C1orf21: variants seen among roughly 807,000 people sequenced by gnomAD.
C1orf21 encodes the protein chromosome 1 open reading frame 21, also known as uncharacterized protein C1orf21.
C1orf21 carries 3 observed loss-of-function variants against 18.7 expected under a neutral mutation model. The ratio of observed to expected loss-of-function variants is 0.16; its 90% confidence interval spans 0.07 to 0.42. C1orf21 has a LOEUF of 0.42. C1orf21 is among the 10% of genes least tolerant of loss of function. The pLI is 0.99. For missense variants in C1orf21, 104 were observed against 143.6 expected (o/e 0.72, Z 1.41); for synonymous variants, 41 against 46.4 (o/e 0.88, Z 0.47).
chr1:184,416,706 G>A (rs1656457180), intron 1 of C1orf21, among the ~76,000 whole-genome samples: 1 of 152,156 alleles, frequency 6.6e-6, no homozygotes, highest in African/African-American at 2.4e-5. Flanking sequence ...CTGAATGCCT[G>A]TTGTTGCTTC....
intron 3 of C1orf21, among the ~76,000 whole-genome samples, chr1:184,541,265 C>A (rs986465824): frequency 6.6e-6 from 1 of 152,142 alleles, no homozygotes; most frequent in Non-Finnish European, 1.5e-5. Flanking sequence ...ACTTTTTTCA[C>A]ACACAGCCAG....
At chr1:184,561,936 C>T (rs1021866407) in intron 3 of C1orf21, among the ~76,000 whole-genome samples, 1 of 152,020 alleles carries the variant, frequency 6.6e-6, no homozygotes, top group Non-Finnish European at 1.5e-5. Flanking sequence ...CACTTCCCCC[C>T]ACCCCCAGTT....
At chr1:184,436,742 C>T (rs554571798) in intron 1 of C1orf21, among the ~76,000 whole-genome samples, 157 of 152,192 alleles carry the variant, frequency 1.0e-3, no homozygotes, top group Non-Finnish European at 1.5e-3. Context: ...AACACCTACC[C>T]GTGGCAGGTA....
Position 184,445,343 on chromosome 1 carries a change from C to CCTCTCTCTCTCTCTCT in C1orf21, c.-124-32027_-124-32012dup, listed in dbSNP as rs57710614. Among the ~76,000 whole-genome samples, 400 of 134,856 alleles carry CCTCTCTCTCTCTCTCT rather than the reference C, an allele frequency of 3.0e-3. 4 individuals carry two copies. Among genetic ancestry groups the CCTCTCTCTCTCTCTCT allele is most frequent in the Admixed American group, 0.019 (244 of 13,140 alleles). 88.5% of individuals were successfully genotyped at this position (134,856 alleles called of 152,430 possible). A position where few individuals can be genotyped will look rare whatever the true frequency, so the allele number is the denominator to read the frequency against. ...TGTAAAACCACGCCCTTTTTTCAGACCTCTCTCTCTCTCTCTCTCTCTCTC... is the reference window on the plus strand; with the variant it reads ...TGTAAAACCACGCCCTTTTTTCAGACCTCTCTCTCTCTCTCTCTCTCTCTCTCTCTCTCTCTCTCTC... On this transcript the variant is annotated intron_variant, in intron 1 of 5. Coordinates refer to ENST00000235307, the MANE Select transcript of C1orf21 (RefSeq NM_030806.4).
intron 3 of C1orf21, among the ~76,000 whole-genome samples, chr1:184,579,379 G>GTTTTTTT (rs201010891): frequency 5.6e-5 from 4 of 71,444 alleles, no homozygotes; most frequent in Non-Finnish European, 7.7e-5. Flanking sequence ...TATAAGCTGG[G>GTTTTTTT]TTTTTTTTTT....
At chr1:184,562,197 C>T (rs1227795259) in intron 3 of C1orf21, among the ~76,000 whole-genome samples, 1 of 152,090 alleles carries the variant, frequency 6.6e-6, no homozygotes, top group African/African-American at 2.4e-5. Context: ...CCCAGTGTTC[C>T]AGCAGCTGTC....
intron 1 of C1orf21, among the ~76,000 whole-genome samples, chr1:184,431,454 A>G (rs1306310698): frequency 6.6e-6 from 1 of 152,208 alleles, no homozygotes; most frequent in Non-Finnish European, 1.5e-5. Flanking sequence ...CTTATGCCTT[A>G]TACAAAAATT....
At chr1:184,480,366 G>A (rs1189304593) in intron 2 of C1orf21, among the ~76,000 whole-genome samples, 1 of 152,210 alleles carries the variant, frequency 6.6e-6, no homozygotes, top group Non-Finnish European at 1.5e-5. Flanking sequence ...TTAAATTATG[G>A]AGAACTTCGA....
intron 3 of C1orf21, among the ~76,000 whole-genome samples, chr1:184,523,540 G>T (rs961221392): frequency 3.9e-5 from 6 of 152,132 alleles, no homozygotes; most frequent in African/African-American, 1.4e-4. Context: ...GTGCCATGGT[G>T]TCTTAAATGG....
chr1:184,400,489 T>G (rs1229991637), intron 1 of C1orf21, among the ~76,000 whole-genome samples: 1 of 152,230 alleles, frequency 6.6e-6, no homozygotes, highest in Admixed American at 6.5e-5. Flanking sequence ...GCAAAAAGGT[T>G]GCCTACTGTA....
At chr1:184,504,551 G>T (rs768739362) in intron 2 of C1orf21, among the ~76,000 whole-genome samples, 8 of 152,196 alleles carry the variant, frequency 5.3e-5, no homozygotes, top group Admixed American at 2.0e-4. Context: ...CGTTCCTGAT[G>T]GCTGCCTTGC....
chr1:184,505,487 G>A (rs543638474), intron 2 of C1orf21, among the ~76,000 whole-genome samples: 1 of 151,722 alleles, frequency 6.6e-6, no homozygotes, highest in Non-Finnish European at 1.5e-5. Context: ...AGTAGGCCAG[G>A]CATGATGGCT....
chr1:184,446,654 A>G (rs886431159), intron 1 of C1orf21, among the ~76,000 whole-genome samples: 1 of 152,104 alleles, frequency 6.6e-6, no homozygotes, highest in Non-Finnish European at 1.5e-5. Context: ...AGATCAGAAG[A>G]GACTAAAGAC....
intron 3 of C1orf21, chr1:184,567,212 A>T: frequency 2.1e-6 from 1 of 466,998 alleles, no homozygotes; most frequent in Non-Finnish European, 4.3e-6. Flanking sequence ...AATGGCTGTC[A>T]TCACATTCCA....
intron 5 of C1orf21, among the ~76,000 whole-genome samples, chr1:184,612,084 T>C (rs1659744308): frequency 6.6e-6 from 1 of 152,194 alleles, no homozygotes. Flanking sequence ...TCAGTGACTG[T>C]GTTATTAGAA....
chr1:184,540,417 A>G (rs1243193418), intron 3 of C1orf21, among the ~76,000 whole-genome samples: 1 of 151,448 alleles, frequency 6.6e-6, no homozygotes, highest in Non-Finnish European at 1.5e-5. Flanking sequence ...TGGCTATAGG[A>G]GTTTTTTTTG....
intron 5 of C1orf21, among the ~76,000 whole-genome samples, chr1:184,609,821 G>T (rs577852369): frequency 6.6e-6 from 1 of 152,294 alleles, no homozygotes; most frequent in East Asian, 1.9e-4. Context: ...GGATTAAAAT[G>T]GTATAAAAAT....
chr1:184,488,961 T>C (rs980926830), intron 2 of C1orf21, among the ~76,000 whole-genome samples: 2 of 151,682 alleles, frequency 1.3e-5, no homozygotes, highest in Non-Finnish European at 2.9e-5. Flanking sequence ...CGAGACTCTG[T>C]CTCAAGAAAA....
chr1:184,502,513 G>A (rs116670895), intron 2 of C1orf21, among the ~76,000 whole-genome samples: 349 of 149,040 alleles, frequency 2.3e-3, no homozygotes, highest in African/African-American at 8.1e-3. Context: ...TTTTTTTTTC[G>A]TTTGCTTGTT....
Sources: allele counts gnomAD v4.1 joint callset (sites outside exome capture counted in the v4.1 genomes callset), GRCh38; gene constraint gnomAD v4.1.1; transcripts MANE v1.5; gene names NCBI Gene and HGNC (gene_info 2026-07-23, HGNC 2026-07-21).